Variants in SULT1A2 observed in about 807,000 individuals in gnomAD.
SULT1A2 encodes the protein sulfotransferase family 1A member 2.
A neutral mutation model predicts 36.0 loss-of-function variants in SULT1A2; 33 were observed. The ratio of observed to expected loss-of-function variants is 0.92; its 90% CI spans 0.69 to 1.22. SULT1A2 has a LOEUF of 1.22. SULT1A2 is among the 50% of genes most tolerant of loss of function. The pLI, the probability that SULT1A2 is intolerant of heterozygous loss-of-function variation, is 0.00. For missense variants in SULT1A2, 367 were observed against 383.2 expected, an observed-to-expected ratio of 0.96 and a Z score of 0.35; for synonymous variants, 138 against 144.5, an observed-to-expected ratio of 0.96 and a Z score of 0.32.
chr16:28,592,019 G>A lies in SULT1A2; in HGVS notation c.*9C>T. The A allele has an allele frequency of 6.2e-7, 1 of 1,611,700 alleles. No homozygotes were observed. Among genetic ancestry groups the A allele is most frequent in the Non-Finnish European group, 8.5e-7 (1 of 1,179,662 alleles). On this transcript the variant is annotated 3_prime_UTR_variant, in exon 8 of 8. Transcript: ENST00000335715. ...CACACTCCCTCTGCAGTGACTCCAG[G>A]AACCCCTCTCACAGCTCAGAGCGGA...
Position 28,592,360 on chromosome 16 carries a change from G to A in SULT1A2, c.678C>T (p.His226=), listed in dbSNP as rs769105745. ...PEETVDLMVE[H]TSFKEMKKNP... is the part of the protein sequence containing the mutation. ...TCTTCTTCATCTCCTTGAACGACGT[G>A]TGCTCAACCATGAGGTCCACAGTCT... is the stretch of plus-strand genomic sequence containing the variant. Residue 226 remains histidine, a synonymous_variant, in exon 7 of 8, where the codon CAC becomes CAT. Transcript: ENST00000335715. 9 of 1,614,028 alleles carry A rather than the reference G, an allele frequency of 5.6e-6. No homozygotes were observed. The highest frequency in any genetic ancestry group is 7.6e-6 in the Non-Finnish European group (9 of 1,179,896).
At chr16:28,593,188 C>CA in intron 6 of SULT1A2, 64 bp downstream of exon 6, 1 of 1,605,812 alleles carries the variant, frequency 6.2e-7, no homozygotes, top group South Asian at 1.1e-5. Context: ...GTGGCCTTGG[C>CA]AGGTCCCTGT....
intron 1 of SULT1A2, 141 bp downstream of exon 1, chr16:28,596,856 G>A: frequency 2.1e-6 from 1 of 486,134 alleles, no homozygotes; most frequent in Non-Finnish European, 3.1e-6. Context: ...AAGGGAGGGG[G>A]ATTCAGGCCG....
chr16:28,596,696 T>G, intron 1 of SULT1A2: 1 of 219,374 alleles, frequency 4.6e-6, no homozygotes, highest in Non-Finnish European at 9.2e-6. Flanking sequence ...TTTAAAACTA[T>G]CCAGGCAGGA....
At chr16:28,592,509 C>A (rs1421529003) in intron 6 of SULT1A2, 66 bp from the exon 7 acceptor site, 8 of 1,610,076 alleles carry the variant, frequency 5.0e-6, no homozygotes, top group Admixed American at 3.4e-5. Flanking sequence ...AAGGGGTCCA[C>A]TTCTCTAACC....
At chr16:28,596,473 GGACA>G (rs1045247847) in intron 1 of SULT1A2, 5 of 733,546 alleles carry the variant, frequency 6.8e-6, no homozygotes, top group South Asian at 4.7e-5. Context: ...CTGGGCTCCA[GGACA>G]AACAGCCCAT....
At position 28,595,781 on chromosome 16, in the gene SULT1A2, A is replaced by G; in HGVS notation, c.148+2T>C. On this transcript the variant is annotated splice_donor_variant, in intron 2 of 7. Coordinates refer to ENST00000335715, the MANE Select transcript of SULT1A2 (RefSeq NM_001054.4). LOFTEE classifies it high-confidence loss of function. ...AGAGGGTGGGTGGCCCTCCTCACCT[A>G]CCGGACTTGGGGTAGGTGCTGATGA... The G allele has an allele frequency of 6.2e-7, 1 of 1,612,750 alleles. No homozygotes were observed. The highest frequency in any genetic ancestry group is 8.5e-7 in the Non-Finnish European group (1 of 1,179,304).
intron 6 of SULT1A2, 98 bp from the exon 7 acceptor site, chr16:28,592,541 C>T (rs2047006830): frequency 1.9e-6 from 3 of 1,586,284 alleles, no homozygotes; most frequent in Non-Finnish European, 2.6e-6. Context: ...CTGGCCACTT[C>T]CACTTCAAAA....
intron 7 of SULT1A2, 23 bp downstream of exon 7, chr16:28,592,240 C>T (rs774827824): frequency 6.2e-6 from 10 of 1,613,858 alleles, no homozygotes; most frequent in Non-Finnish European, 8.5e-6. Context: ...CTGCTCCAAA[C>T]CCCCGTGCTG....
At position 28,595,764 on chromosome 16, in the gene SULT1A2, G is replaced by A; in HGVS notation, c.148+19C>T. ...GGGGACTGCCACCTGGGAGAGGGTG[G>A]GTGGCCCTCCTCACCTACCGGACTT... On this transcript the variant is annotated intron_variant, in intron 2 of 7. Transcript: ENST00000335715. 6.2e-7 allele frequency: 1 copy of A among 1,612,368 alleles called. No individual in the cohort carries two copies. The highest frequency in any genetic ancestry group is 8.5e-7 in the Non-Finnish European group (1 of 1,178,810).
At chr16:28,596,885 G>A (rs2047064843) in intron 1 of SULT1A2, 112 bp downstream of exon 1, 3 of 724,368 alleles carry the variant, frequency 4.1e-6, no homozygotes, top group African/African-American at 2.0e-5. Context: ...TGTCTGAAAT[G>A]GGATATCCAT....
At chr16:28,594,172 T>C (rs1020562734) in intron 4 of SULT1A2, among the ~76,000 whole-genome samples, 1 of 152,020 alleles carries the variant, frequency 6.6e-6, no homozygotes, top group African/African-American at 2.4e-5. Context: ...GCTTTCTTTT[T>C]TCCTGTTGCC....
chr16:28,593,077 G>T (rs1399816619), intron 6 of SULT1A2, among the ~76,000 whole-genome samples, 175 bp downstream of exon 6: 1 of 152,186 alleles, frequency 6.6e-6, no homozygotes, highest in African/African-American at 2.4e-5. Flanking sequence ...TGAGAGCTGT[G>T]CCCAGCCTGC....
intron 1 of SULT1A2, chr16:28,596,650 GAAGACCCCATCTCTAAAAATCTTTTA>G (rs1330731632): frequency 9.5e-6 from 2 of 210,138 alleles, no homozygotes; most frequent in Admixed American, 1.1e-4. Context: ...GGCAGCATTG[GAAGACCCCATCTCTAAAAATCTTTTA>G]AAAATATTTT....
At chr16:28,593,602 C>T (rs2151661834) in intron 4 of SULT1A2, 34 bp from the exon 5 acceptor site, 1 of 1,613,028 alleles carries the variant, frequency 6.2e-7, no homozygotes, top group South Asian at 1.1e-5. Flanking sequence ...CCAGCACCAT[C>T]ACCACACAGC....
At position 28,592,404 on chromosome 16, in the gene SULT1A2, C is replaced by T. The variant is rs183030982; in HGVS notation, c.634G>A (p.Gly212Arg). Residue 212 changes from glycine to arginine, a missense_variant, in exon 7 of 8, where the codon GGG becomes AGG. Physicochemically the swap from Gly to Arg is moderately radical, Grantham distance 125. Coordinates refer to ENST00000335715, the MANE Select transcript of SULT1A2 (RefSeq NM_001054.4). ...REIQKILEFV[G>R]RSLPEETVDL... ...ACAGTCTCCTCTGGCAGGGAGCGCC[C>T]CACAAACTCCAGGATCTTTTGAATC... The T allele has an allele frequency of 2.1e-5, 34 of 1,614,110 alleles. No individual in the cohort carries two copies. In the East Asian group the frequency reaches 6.9e-4, roughly 33 times the overall value.
chr16:28,596,901 G>A lies in SULT1A2; in HGVS notation c.-5+96C>T, dbSNP rs187474860. ...GTCTGAAATGGGATATCCATGGGGA[G>A]AGGGCAGGGATAGCAGAGGCCTCGG... is the stretch of plus-strand genomic sequence containing the variant. On this transcript the variant is annotated intron_variant, in intron 1 of 7. Transcript: ENST00000335715. The A allele has an allele frequency of 6.3e-5, 53 of 843,916 alleles. No individual in the cohort carries two copies. In the African/African-American group the frequency reaches 7.1e-4, roughly 11 times the overall value. 52.3% of individuals were successfully genotyped at this position (843,916 alleles called of 1,614,324 possible).
Position 28,596,126 on chromosome 16 carries a change from G to A in SULT1A2, c.-4-192C>T, listed in dbSNP as rs574052176. ...CTCTAATGTGGTGGTTCCCCAGCCT[G>A]GCCTCACCTTTCATTCACCTGCGGA... On this transcript the variant is annotated intron_variant, in intron 1 of 7. Transcript: ENST00000335715. 3.3e-5 allele frequency: 46 copies of A among 1,396,774 alleles called. 2 individuals are homozygous for A. The South Asian group carries it at 4.7e-4, about 14-fold the overall frequency. 86.5% of individuals were successfully genotyped at this position (1,396,774 alleles called of 1,614,324 possible).
intron 6 of SULT1A2, 65 bp from the exon 7 acceptor site, chr16:28,592,508 A>T: frequency 1.9e-6 from 3 of 1,608,854 alleles, no homozygotes; most frequent in Non-Finnish European, 2.5e-6. Flanking sequence ...AAAGGGGTCC[A>T]CTTCTCTAAC....
Sources: allele counts gnomAD v4.1 joint callset (sites outside exome capture counted in the v4.1 genomes callset), GRCh38; gene constraint gnomAD v4.1.1; transcripts MANE v1.5; gene names NCBI Gene and HGNC (gene_info 2026-07-23, HGNC 2026-07-21).